The following NBAS variants were observed in gnomAD, a reference collection of about 807,000 sequenced individuals.
The protein encoded by NBAS is NAG/BC035112 fusion.
A neutral mutation model predicts 302.5 loss-of-function variants in NBAS; 219 were observed. That is an observed-to-expected ratio of 0.72 (90% CI 0.65 to 0.81). NBAS has a LOEUF of 0.81. NBAS is among the 30% of genes least tolerant of loss of function. The pLI is 0.00. For synonymous variants in NBAS, 1,118 were observed against 1,021.6 expected, an observed-to-expected ratio of 1.09 and a Z score of -1.80; for missense variants, 2,932 against 2,841.6, an observed-to-expected ratio of 1.03 and a Z score of -0.72.
intron 21 of NBAS, among the ~76,000 whole-genome samples, chr2:15,448,397 T>C (rs945031490): frequency 6.6e-6 from 1 of 152,214 alleles, no homozygotes; most frequent in Non-Finnish European, 1.5e-5. Context: ...TCGCTTACGT[T>C]ACTTAATCAT....
At chr2:14,826,317 G>A in the NBAS span, among the ~76,000 whole-genome samples, 1 of 152,122 alleles carries the variant, frequency 6.6e-6, no homozygotes, top group Admixed American at 6.5e-5. Context: ...GTAATTAGTT[G>A]TGCTTTTCTA....
At chr2:14,888,209 C>G in the NBAS span, among the ~76,000 whole-genome samples, 3 of 152,196 alleles carry the variant, frequency 2.0e-5, no homozygotes, top group Admixed American at 1.3e-4. Flanking sequence ...CAGCTCACGG[C>G]AACCTCCGCC....
At chr2:15,142,688 A>G in the NBAS span, among the ~76,000 whole-genome samples, 2 of 152,318 alleles carry the variant, frequency 1.3e-5, no homozygotes, top group African/African-American at 4.8e-5. Context: ...TGCCGGCTGT[A>G]AAGTCTTCCT....
At chr2:15,038,926 G>A in the NBAS span, among the ~76,000 whole-genome samples, 2 of 152,170 alleles carry the variant, frequency 1.3e-5, no homozygotes, top group African/African-American at 4.8e-5. Context: ...GTAATCATGT[G>A]AATTTAGACC....
chr2:15,292,508 C>T, intron 41 of NBAS, 29 bp downstream of exon 41: 3 of 1,603,366 alleles, frequency 1.9e-6, no homozygotes, highest in Non-Finnish European at 2.6e-6. Flanking sequence ...TTAAATCCAT[C>T]CCCTTATGAA....
chr2:15,378,028 A>T (rs1426781314), intron 30 of NBAS, among the ~76,000 whole-genome samples: 1 of 152,210 alleles, frequency 6.6e-6, no homozygotes, highest in Non-Finnish European at 1.5e-5. Context: ...TAGAAAAATC[A>T]GACACAGTAA....
intron 47 of NBAS, among the ~76,000 whole-genome samples, chr2:15,228,743 C>T (rs1338736573): frequency 6.6e-6 from 1 of 152,134 alleles, no homozygotes; most frequent in Non-Finnish European, 1.5e-5. Context: ...ACAAATACCA[C>T]ACGATCTCAC....
chr2:15,388,309 G>T (rs560363773), intron 28 of NBAS, among the ~76,000 whole-genome samples: 1 of 151,876 alleles, frequency 6.6e-6, no homozygotes, highest in South Asian at 2.1e-4. Flanking sequence ...CACATCTCAT[G>T]TTAGATTTAT....
intron 44 of NBAS, among the ~76,000 whole-genome samples, chr2:15,242,640 A>G (rs1037170630): frequency 6.6e-6 from 1 of 151,752 alleles, no homozygotes; most frequent in African/African-American, 2.4e-5. Flanking sequence ...AATGTACCAG[A>G]GTAAAAAAAA....
the NBAS span, among the ~76,000 whole-genome samples, chr2:15,051,654 CAG>C: frequency 6.6e-6 from 1 of 152,200 alleles, no homozygotes; most frequent in African/African-American, 2.4e-5. Context: ...GAGCAAGACA[CAG>C]TGTACCATCA....
At chr2:15,178,918 A>T in intron 51 of NBAS, 70 bp downstream of exon 51, 3 of 1,599,774 alleles carry the variant, frequency 1.9e-6, no homozygotes, top group Non-Finnish European at 2.6e-6. Flanking sequence ...TATGAGAATG[A>T]AAGTGCTAAT....
At chr2:15,360,039 G>A (rs1673824516) in intron 32 of NBAS, among the ~76,000 whole-genome samples, 9 of 152,128 alleles carry the variant, frequency 5.9e-5, no homozygotes, top group Admixed American at 5.2e-4. Context: ...CAACTGGAAT[G>A]CAATGGTAAG....
chr2:14,938,995 C>T, the NBAS span, among the ~76,000 whole-genome samples: 6 of 152,326 alleles, frequency 3.9e-5, no homozygotes, highest in Non-Finnish European at 5.9e-5. Context: ...GACACCTACC[C>T]AAACAAGCTC....
intron 48 of NBAS, among the ~76,000 whole-genome samples, chr2:15,212,637 G>A (rs754143294): frequency 2.4e-4 from 36 of 152,158 alleles, no homozygotes; most frequent in Non-Finnish European, 4.7e-4. Context: ...TAATCCCCAC[G>A]TGTAGTGGAA....
At chr2:15,034,669 C>T in the NBAS span, among the ~76,000 whole-genome samples, 5 of 152,090 alleles carry the variant, frequency 3.3e-5, no homozygotes, top group Admixed American at 1.3e-4. Flanking sequence ...TCTTAAGTGC[C>T]GGTGGACTAC....
intron 35 of NBAS, among the ~76,000 whole-genome samples, chr2:15,337,764 T>C (rs1456454441): frequency 6.6e-6 from 1 of 152,200 alleles, no homozygotes; most frequent in Non-Finnish European, 1.5e-5. Flanking sequence ...GGGGGCAGTC[T>C]ACCAAGATCA....
intron 37 of NBAS, 61 bp downstream of exon 37, chr2:15,328,138 G>T (rs1672160395): frequency 6.6e-7 from 1 of 1,507,746 alleles, no homozygotes; most frequent in African/African-American, 1.4e-5. Context: ...TTTAGTTTTT[G>T]TTTCTACTGT....
intron 44 of NBAS, among the ~76,000 whole-genome samples, chr2:15,240,843 G>A (rs1364141680): frequency 6.6e-6 from 1 of 152,108 alleles, no homozygotes; most frequent in Non-Finnish European, 1.5e-5. Context: ...TTATGTTACT[G>A]TGTTTGCCCA....
chr2:15,216,167 A>G (rs1666645359), intron 48 of NBAS, among the ~76,000 whole-genome samples: 1 of 152,238 alleles, frequency 6.6e-6, no homozygotes, highest in Non-Finnish European at 1.5e-5. Context: ...CTTCTTGGAG[A>G]AGACTCTAGA....
Sources: allele counts gnomAD v4.1 joint callset (sites outside exome capture counted in the v4.1 genomes callset), GRCh38; gene constraint gnomAD v4.1.1; transcripts MANE v1.5; gene names NCBI Gene and HGNC (gene_info 2026-07-23, HGNC 2026-07-21).